The following DYRK4 variants were observed in gnomAD, a reference collection of about 807,000 sequenced individuals.
The protein encoded by DYRK4 is dual specificity tyrosine-phosphorylation-regulated kinase 4.
DYRK4 carries 64 observed loss-of-function variants against 68.3 expected under a neutral mutation model. The observed-to-expected ratio is 0.94, with a 90% confidence interval of 0.77 to 1.15. The LOEUF (loss-of-function observed/expected upper bound fraction) is 1.15, where lower values mean the gene tolerates loss of function less well. Ranked by LOEUF, DYRK4 falls within the 50% of genes most tolerant of loss-of-function variation. The pLI is 0.00. For synonymous variants in DYRK4, 274 were observed against 289.9 expected (o/e 0.95, Z 0.56); for missense variants, 740 against 764.7 (o/e 0.97, Z 0.38).
At chr12:4,584,054 T>A (rs530778210) in intron 2 of DYRK4, among the ~76,000 whole-genome samples, 2 of 152,062 alleles carry the variant, frequency 1.3e-5, no homozygotes, top group South Asian at 4.2e-4. Flanking sequence ...ATGAGAAAAA[T>A]TTGTAAAAAG....
In DYRK4 at chr12:4,598,137, G is replaced by A. The variant is rs542019923; in HGVS notation, c.906-891G>A. Reference sequence around the variant, plus strand: ...CACACCTGTAATCTCAGCATTTTCGGAGGCCAAGTTGGGAGGTCACTTGAG... The same window carrying A: ...CACACCTGTAATCTCAGCATTTTCGAAGGCCAAGTTGGGAGGTCACTTGAG... On this transcript the variant is annotated intron_variant, in intron 8 of 14. Transcript: ENST00000543431. Among the ~76,000 whole-genome samples the A allele has an allele frequency of 4.1e-4, 62 of 152,150 alleles. 1 individual carries two copies. Among genetic ancestry groups the A allele is most frequent in the Middle Eastern group, 3.4e-3 (1 of 294 alleles).
At chr12:4,605,489 A>T (rs1048431083) in intron 11 of DYRK4, among the ~76,000 whole-genome samples, 4 of 151,424 alleles carry the variant, frequency 2.6e-5, no homozygotes, top group Non-Finnish European at 5.9e-5. Context: ...TTTTGTTTCT[A>T]CTCTTTTTTC....
chr12:4,604,438 G>T (rs143612803), intron 10 of DYRK4, among the ~76,000 whole-genome samples: 1 of 152,230 alleles, frequency 6.6e-6, no homozygotes, highest in East Asian at 1.9e-4. Context: ...ATCCTCACCT[G>T]TTGAGAATTT....
chr12:4,568,192 G>C (rs1944695698), intron 2 of DYRK4, 144 bp downstream of exon 2: 2 of 745,464 alleles, frequency 2.7e-6, no homozygotes, highest in Non-Finnish European at 4.3e-6. Flanking sequence ...CTGATTGGCA[G>C]GGCCAAATCT....
intron 7 of DYRK4, 136 bp downstream of exon 7, chr12:4,596,421 G>A: frequency 6.6e-7 from 1 of 1,516,316 alleles, no homozygotes; most frequent in Non-Finnish European, 8.8e-7. Context: ...CTACCCGTCT[G>A]ATTCCATGAG....
In DYRK4 at chr12:4,604,913, G is replaced by A. The variant is rs1209905573; in HGVS notation, c.1127-1G>A. ...AGGTTTCTCTTACTTTGCCTCCGCAGTATACACGTACATCCAAAGCCGGTT... is the reference window on the plus strand; with the variant it reads ...AGGTTTCTCTTACTTTGCCTCCGCAATATACACGTACATCCAAAGCCGGTT... On this transcript the variant is annotated splice_acceptor_variant, in intron 10 of 14. Transcript: ENST00000543431. LOFTEE classifies it high-confidence loss of function. 1.9e-6 allele frequency: 3 copies of A among 1,601,116 alleles called. No homozygotes were observed. Among genetic ancestry groups the A allele is most frequent in the African/African-American group, 1.3e-5 (1 of 74,472 alleles).
In DYRK4 at chr12:4,612,650, C is replaced by A. The variant is rs1253767911; in HGVS notation, c.1598C>A (p.Ser533Tyr). ...CCCAGGCCCCAGACCCTGAGGAAATCCAATTCCTTTTTCCCCTCTGAGACA... is the reference window on the plus strand; with the variant it reads ...CCCAGGCCCCAGACCCTGAGGAAATACAATTCCTTTTTCCCCTCTGAGACA... ...PQPRPQTLRK[S>Y]NSFFPSETRK... The change falls in exon 14 of 15, where the codon TCC becomes TAC. Residue 533 changes from serine (S) to tyrosine (Y), a missense_variant. Transcript: ENST00000543431. 4 of 1,614,146 alleles carry A rather than the reference C, an allele frequency of 2.5e-6. No homozygotes were observed. The highest frequency in any genetic ancestry group is 1.3e-5 in the African/African-American group (1 of 75,016).
At chr12:4,589,748 T>C (rs368301598) in intron 3 of DYRK4, among the ~76,000 whole-genome samples, 2 of 152,208 alleles carry the variant, frequency 1.3e-5, no homozygotes, top group African/African-American at 4.8e-5. Flanking sequence ...ACTTAGGTTG[T>C]TTCCAAATTT....
chr12:4,592,935 C>T (rs373260708), intron 5 of DYRK4, 67 bp from the exon 6 acceptor site: 6 of 1,558,958 alleles, frequency 3.8e-6, no homozygotes, highest in African/African-American at 2.7e-5. Flanking sequence ...GGGATGCCAT[C>T]GTCTGCATCC....
At chr12:4,595,983 T>C (rs1301783102) in intron 6 of DYRK4, among the ~76,000 whole-genome samples, 166 bp from the exon 7 acceptor site, 3 of 152,170 alleles carry the variant, frequency 2.0e-5, no homozygotes, top group African/African-American at 7.2e-5. Context: ...AAGCTCCTCA[T>C]CATAGTCGCA....
intron 10 of DYRK4, chr12:4,602,573 A>T: frequency 7.7e-7 from 1 of 1,294,820 alleles, no homozygotes; most frequent in Non-Finnish European, 1.1e-6. Context: ...TCTCCTGTTG[A>T]TGAGTGAGTG....
intron 9 of DYRK4, 89 bp from the exon 10 acceptor site, chr12:4,599,618 T>G (rs1187493730): frequency 1.1e-6 from 1 of 927,446 alleles, no homozygotes; most frequent in Middle Eastern, 2.2e-4. Context: ...ATATTTGAAC[T>G]GGGCCCTGAA....
chr12:4,591,360 C>T lies in DYRK4; in HGVS notation c.463+62C>T. The T allele has an allele frequency of 6.3e-7, 1 of 1,584,592 alleles. No individual in the cohort carries two copies. Among genetic ancestry groups the T allele is most frequent in the South Asian group, 1.2e-5 (1 of 85,386 alleles). On this transcript the variant is annotated intron_variant, in intron 5 of 14. Coordinates refer to ENST00000543431, the MANE Select transcript of DYRK4 (RefSeq NM_001394779.1). The surrounding 1 kb of genome is among the most constrained non-coding windows in gnomAD (Gnocchi z 4.1). ...TTATGGAAGGTCGGGGTGTTAAGAGCTAAGCTGCGCTGGAGTGAGCTAAGC... is the reference window on the plus strand; with the variant it reads ...TTATGGAAGGTCGGGGTGTTAAGAGTTAAGCTGCGCTGGAGTGAGCTAAGC...
At chr12:4,609,956 A>G in intron 12 of DYRK4, 199 bp from the exon 13 acceptor site, 1 of 379,272 alleles carries the variant, frequency 2.6e-6, no homozygotes, top group Non-Finnish European at 4.6e-6. Flanking sequence ...CAATTTTTAA[A>G]GTAAATTGCA....
intron 1 of DYRK4, among the ~76,000 whole-genome samples, chr12:4,566,862 G>GGTCACTATTA (rs1344959417): frequency 1.3e-5 from 2 of 152,148 alleles, no homozygotes; most frequent in Non-Finnish European, 2.9e-5. Context: ...ACTGAGAAGA[G>GGTCACTATTA]GTCACTATTA....
At chr12:4,606,143 T>G (rs1481681673) in intron 11 of DYRK4, among the ~76,000 whole-genome samples, 1 of 152,254 alleles carries the variant, frequency 6.6e-6, no homozygotes, top group Non-Finnish European at 1.5e-5. Flanking sequence ...TAATTATATC[T>G]ATTATGCTTT....
At chr12:4,580,806 T>C (rs1944834356) in intron 2 of DYRK4, 3 of 454,806 alleles carry the variant, frequency 6.6e-6, no homozygotes, top group Non-Finnish European at 1.3e-5. Context: ...GATTTTTTTT[T>C]TTTTAAATGG....
intron 10 of DYRK4, chr12:4,603,299 GC>G: frequency 7.0e-6 from 6 of 860,568 alleles, no homozygotes; most frequent in Non-Finnish European, 9.2e-6. Context: ...CTTCTCACAA[GC>G]CATCTCTATT....
rs1232732280 is a variant in DYRK4 at position 4,590,403 on chromosome 12, GC to G, written c.288del (p.Ser96ArgfsTer6). The G allele has an allele frequency of 4.6e-6, 7 of 1,536,012 alleles. No individual in the cohort carries two copies. Among genetic ancestry groups the G allele is most frequent in the Non-Finnish European group, 6.1e-6 (7 of 1,146,870 alleles). On this transcript the variant is annotated frameshift_variant, in exon 4 of 15. Coordinates refer to ENST00000543431, the MANE Select transcript of DYRK4 (RefSeq NM_001394779.1). LOFTEE classifies it high-confidence loss of function. ...KKNTVSFPHI[S>X]KKVLLKSSLL... is the part of the protein sequence containing the mutation. ...AATACGGTAAGCTTCCCACACATTA[GC>G]AAGAAAGTCCTGCTGAAGTCATCCC...
Sources: allele counts gnomAD v4.1 joint callset (sites outside exome capture counted in the v4.1 genomes callset), GRCh38; gene constraint gnomAD v4.1.1; non-coding constraint Gnocchi (gnomAD v3.1); transcripts MANE v1.5; gene names NCBI Gene and HGNC (gene_info 2026-07-23, HGNC 2026-07-21).